Variants in WWOX observed in about 807,000 individuals in gnomAD.
WWOX encodes WW domain containing oxidoreductase.
WWOX carries 69 observed loss-of-function variants against 46.2 expected under a neutral mutation model. The observed-to-expected ratio is 1.49, with a 90% CI of 1.23 to 1.82. WWOX has a LOEUF of 1.82. WWOX is among the 40% of genes most tolerant of loss of function. The probability of loss-of-function intolerance (pLI) is 0.00; values close to 1 mark genes in which losing one functional copy is unlikely to be tolerated. For synonymous variants in WWOX, 359 were observed against 202.6 expected (o/e 1.77, Z -6.56); for missense variants, 919 against 542.6 (o/e 1.69, Z -6.89).
intron 8 of WWOX, among the ~76,000 whole-genome samples, chr16:78,647,654 A>G (rs2046875445): frequency 6.6e-6 from 1 of 152,240 alleles, no homozygotes. Context: ...GCTGACAGGC[A>G]CATCAACATC....
At chr16:79,117,063 T>C (rs540383813) in intron 8 of WWOX, among the ~76,000 whole-genome samples, 2 of 152,230 alleles carry the variant, frequency 1.3e-5, no homozygotes, top group Admixed American at 6.5e-5. Flanking sequence ...TTTATTGTTA[T>C]TGTTTTGAGA....
intron 8 of WWOX, among the ~76,000 whole-genome samples, chr16:78,710,492 A>ATTTTTT (rs2048419362): frequency 7.4e-6 from 1 of 134,906 alleles, no homozygotes; most frequent in African/African-American, 2.7e-5. Context: ...ATATATATAT[A>ATTTTTT]TATATATTTA....
At chr16:78,541,256 C>G (rs1466032860) in intron 8 of WWOX, among the ~76,000 whole-genome samples, 2 of 151,526 alleles carry the variant, frequency 1.3e-5, no homozygotes, top group African/African-American at 4.8e-5. Context: ...GGGCGGATCA[C>G]GAGGTCAGGA....
At chr16:78,930,265 T>TGA (rs2045593021) in intron 8 of WWOX, among the ~76,000 whole-genome samples, 1 of 124,524 alleles carries the variant, frequency 8.0e-6, no homozygotes, top group Non-Finnish European at 1.8e-5. Context: ...CTTCCTTCCT[T>TGA]CCTTTCTCTC....
intron 8 of WWOX, among the ~76,000 whole-genome samples, chr16:78,503,176 C>T (rs1303986650): frequency 6.6e-6 from 1 of 152,122 alleles, no homozygotes; most frequent in African/African-American, 2.4e-5. Flanking sequence ...TGTCTGACCC[C>T]AGGAAATTCC....
intron 8 of WWOX, chr16:78,756,865 G>C (rs1426806256): frequency 1.4e-5 from 10 of 701,628 alleles, no homozygotes; most frequent in African/African-American, 3.5e-5. Context: ...GCAGACATCA[G>C]AGCATGTGAC....
At chr16:79,011,586 G>T (rs2047311078) in intron 8 of WWOX, among the ~76,000 whole-genome samples, 1 of 151,076 alleles carries the variant, frequency 6.6e-6, no homozygotes, top group East Asian at 2.0e-4. Context: ...CAGCCTCCCT[G>T]GGCTCAGTCG....
intron 5 of WWOX, among the ~76,000 whole-genome samples, chr16:78,236,508 G>C (rs573776225): frequency 7.2e-5 from 11 of 152,284 alleles, no homozygotes; most frequent in African/African-American, 2.6e-4. Flanking sequence ...GCCATTTTAA[G>C]CACAGGAATT....
At chr16:78,932,935 T>C (rs2045655893) in intron 8 of WWOX, among the ~76,000 whole-genome samples, 1 of 152,202 alleles carries the variant, frequency 6.6e-6, no homozygotes, top group African/African-American at 2.4e-5. Context: ...GGTTGAACCT[T>C]GCTGCCTGCC....
intron 8 of WWOX, chr16:78,897,820 C>G (rs2044737214): frequency 1.3e-5 from 2 of 152,140 alleles, no homozygotes; most frequent in Admixed American, 6.5e-5. Context: ...GCTTCACATC[C>G]TCATCAGCAC....
intron 8 of WWOX, among the ~76,000 whole-genome samples, chr16:79,080,068 A>G (rs967356931): frequency 1.3e-5 from 2 of 152,230 alleles, no homozygotes; most frequent in Non-Finnish European, 2.9e-5. Context: ...CAGAAAAATC[A>G]TGGCCCTCAT....
At chr16:78,941,283 A>G (rs545601325) in intron 8 of WWOX, among the ~76,000 whole-genome samples, 1 of 152,252 alleles carries the variant, frequency 6.6e-6, no homozygotes, top group African/African-American at 2.4e-5. Flanking sequence ...TGCTATAATT[A>G]ATGCCACTAG....
intron 8 of WWOX, among the ~76,000 whole-genome samples, chr16:78,912,271 A>T (rs1375288554): frequency 1.3e-5 from 2 of 152,058 alleles, no homozygotes; most frequent in African/African-American, 4.8e-5. Context: ...GGATATATTC[A>T]TTGAAGTCTC....
At chr16:78,158,579 C>CT (rs2034681119) in intron 4 of WWOX, among the ~76,000 whole-genome samples, 1 of 151,142 alleles carries the variant, frequency 6.6e-6, no homozygotes, top group Admixed American at 6.6e-5. Context: ...CTTGTGGCAA[C>CT]TTTTTTTGTA....
intron 5 of WWOX, among the ~76,000 whole-genome samples, chr16:78,173,236 C>G (rs1205349726): frequency 6.6e-6 from 1 of 152,100 alleles, no homozygotes; most frequent in African/African-American, 2.4e-5. Flanking sequence ...GGGTTAAATC[C>G]CAGTGTGAAT....
At chr16:78,353,407 C>T (rs9930559) in intron 5 of WWOX, among the ~76,000 whole-genome samples, 107,220 of 152,044 alleles carry the variant, frequency 0.71, 38,648 homozygotes, top group African/African-American at 0.76. Flanking sequence ...GGGGTGTAAG[C>T]CAAGAGAAAG....
At chr16:78,181,466 T>C (rs1382771108) in intron 5 of WWOX, among the ~76,000 whole-genome samples, 1 of 152,202 alleles carries the variant, frequency 6.6e-6, no homozygotes, top group East Asian at 1.9e-4. Flanking sequence ...ATCAATACTT[T>C]GCAAAGGAGG....
intron 8 of WWOX, among the ~76,000 whole-genome samples, chr16:79,026,221 GC>G (rs1316664749): frequency 6.6e-6 from 1 of 151,630 alleles, no homozygotes; most frequent in East Asian, 1.9e-4. Context: ...GCCCTTTTCA[GC>G]CCTGTTGACA....
intron 8 of WWOX, among the ~76,000 whole-genome samples, chr16:78,968,524 G>A (rs974703744): frequency 6.6e-6 from 1 of 152,254 alleles, no homozygotes; most frequent in Non-Finnish European, 1.5e-5. Flanking sequence ...CACAAGCAAC[G>A]GGACATTATG....
Sources: allele counts gnomAD v4.1 joint callset (sites outside exome capture counted in the v4.1 genomes callset), GRCh38; gene constraint gnomAD v4.1.1; transcripts MANE v1.5; gene names NCBI Gene and HGNC (gene_info 2026-07-23, HGNC 2026-07-21).